The following MIB1 variants were observed in gnomAD, a reference collection of about 807,000 sequenced individuals.
MIB1 encodes E3 ubiquitin-protein ligase MIB1.
Under a neutral mutation model 124.5 loss-of-function variants are expected in MIB1, and 278 were observed. The observed-to-expected ratio is 2.23, with a 90% confidence interval of 2.02 to 2.47. The LOEUF (loss-of-function observed/expected upper bound fraction) is 2.47. Among genes scored for constraint, MIB1 ranks in the 30% most tolerant of loss-of-function variants. The pLI is 0.00. For missense variants in MIB1, 957 were observed against 1,254.4 expected (o/e 0.76, Z 3.58); for synonymous variants, 446 against 429.4 (o/e 1.04, Z -0.48).
At chr18:21,792,425 A>G (rs2041516698) in intron 7 of MIB1, among the ~76,000 whole-genome samples, 1 of 150,932 alleles carries the variant, frequency 6.6e-6, no homozygotes. Context: ...ATCCAGCCCC[A>G]ACTCCTGCCC....
At chr18:21,829,924 G>A (rs1366550312) in intron 12 of MIB1, among the ~76,000 whole-genome samples, 1 of 152,060 alleles carries the variant, frequency 6.6e-6, no homozygotes, top group Non-Finnish European at 1.5e-5. Context: ...GAGCACCTGG[G>A]TTTTATTTAC....
chr18:21,802,562 C>G (rs1462584452), intron 9 of MIB1, among the ~76,000 whole-genome samples: 1 of 152,030 alleles, frequency 6.6e-6, no homozygotes, highest in Non-Finnish European at 1.5e-5. Context: ...CATGTCTTTC[C>G]TTACTGAACA....
chr18:21,842,965 TC>T (rs1291204885), intron 13 of MIB1, among the ~76,000 whole-genome samples, 165 bp from the exon 14 acceptor site: 3 of 152,380 alleles, frequency 2.0e-5, no homozygotes, highest in South Asian at 2.1e-4. Context: ...TCCATTTTTT[TC>T]TACTTTAACA....
intron 4 of MIB1, among the ~76,000 whole-genome samples, chr18:21,776,153 A>T (rs2041282858): frequency 1.3e-5 from 2 of 151,946 alleles, no homozygotes; most frequent in South Asian, 4.2e-4. Flanking sequence ...CTGTAGTCGC[A>T]GTTACTTGAG....
chr18:21,712,394 G>C (rs371071208), intron 1 of MIB1, among the ~76,000 whole-genome samples: 1 of 152,104 alleles, frequency 6.6e-6, no homozygotes, highest in African/African-American at 2.4e-5. Context: ...GATAGAGATA[G>C]CAAAGGTAAT....
intron 1 of MIB1, among the ~76,000 whole-genome samples, chr18:21,708,367 A>G (rs748481447): frequency 2.0e-5 from 3 of 152,128 alleles, no homozygotes; most frequent in South Asian, 2.1e-4. Flanking sequence ...TAGAACTACT[A>G]TTTTGGCTGG....
intron 10 of MIB1, among the ~76,000 whole-genome samples, chr18:21,808,778 G>T (rs2041737618): frequency 6.6e-6 from 1 of 152,090 alleles, no homozygotes. Context: ...ATCTGCCGTG[G>T]ACTCTATTTT....
intron 12 of MIB1, among the ~76,000 whole-genome samples, chr18:21,835,801 CCACACACACA>C (rs774725850): frequency 4.9e-5 from 5 of 101,586 alleles, no homozygotes; most frequent in African/African-American, 1.9e-4. Context: ...ATATATATAT[CCACACACACA>C]CACACACACA....
At chr18:21,839,748 T>C (rs2042065127) in intron 13 of MIB1, among the ~76,000 whole-genome samples, 1 of 152,186 alleles carries the variant, frequency 6.6e-6, no homozygotes, top group African/African-American at 2.4e-5. Context: ...GTGATCCTTT[T>C]GCCTCAGCCT....
intron 18 of MIB1, chr18:21,854,869 T>G: frequency 4.7e-6 from 1 of 214,708 alleles, no homozygotes; most frequent in Non-Finnish European, 9.8e-6. Context: ...ATGCAGACAT[T>G]GGTGCTTTCC....
chr18:21,820,504 ACTG>A (rs1568214928), intron 12 of MIB1, among the ~76,000 whole-genome samples: 1 of 152,198 alleles, frequency 6.6e-6, no homozygotes, highest in Non-Finnish European at 1.5e-5. Context: ...TTTTATTGCT[ACTG>A]CTTATTGGTA....
chr18:21,864,092 C>T (rs2042299604), intron 20 of MIB1, among the ~76,000 whole-genome samples: 1 of 152,124 alleles, frequency 6.6e-6, no homozygotes, highest in African/African-American at 2.4e-5. Flanking sequence ...TCAGGCTTTT[C>T]AGCTCAAAGG....
chr18:21,735,888 A>G (rs2040794857), upstream of MIB1, among the ~76,000 whole-genome samples: 1 of 152,176 alleles, frequency 6.6e-6, no homozygotes, highest in South Asian at 2.1e-4. Flanking sequence ...AGGCACTTAT[A>G]GATAAAACCC....
intron 1 of MIB1, among the ~76,000 whole-genome samples, chr18:21,756,074 G>A (rs552619990): frequency 6.6e-6 from 1 of 152,282 alleles, no homozygotes; most frequent in African/African-American, 2.4e-5. Context: ...CTTTGCAGGG[G>A]ATAGTAGAAA....
chr18:21,822,221 A>G (rs2041885549), intron 12 of MIB1, among the ~76,000 whole-genome samples: 2 of 152,248 alleles, frequency 1.3e-5, no homozygotes, highest in Non-Finnish European at 2.9e-5. Context: ...TTGAGGGAAT[A>G]TGAAATCATA....
At position 21,765,031 on chromosome 18, in the gene MIB1, A is replaced by T. The variant is rs1156702031; in HGVS notation, c.230-741A>T. ...TATTAATATAACAATAGAATAGTAA[A>T]GGAGTATTACCCCCAATTATTTCAC... On this transcript the variant is annotated intron_variant, in intron 1 of 20. Coordinates refer to ENST00000261537, the MANE Select transcript of MIB1 (RefSeq NM_020774.4). Among the ~76,000 whole-genome samples, 12 of 152,234 alleles carry T rather than the reference A, an allele frequency of 7.9e-5. 1 individual carries two copies. The highest frequency in any genetic ancestry group is 7.9e-4 in the Admixed American group (12 of 15,282).
intron 18 of MIB1, among the ~76,000 whole-genome samples, chr18:21,855,283 CG>C (rs2042216647): frequency 6.6e-6 from 1 of 152,196 alleles, no homozygotes; most frequent in African/African-American, 2.4e-5. Context: ...GTACCCCCAT[CG>C]CAGTCATGTT....
chr18:21,713,027 TTACTGCAGCCTTGAA>T (rs1354269548), intron 1 of MIB1, among the ~76,000 whole-genome samples: 1 of 152,180 alleles, frequency 6.6e-6, no homozygotes, highest in African/African-American at 2.4e-5. Flanking sequence ...TGAACACCTC[TTACTGCAGCCTTGAA>T]TCAGTCTTGG....
At chr18:21,802,718 C>G (rs2041663242) in intron 9 of MIB1, among the ~76,000 whole-genome samples, 1 of 152,190 alleles carries the variant, frequency 6.6e-6, no homozygotes, top group South Asian at 2.1e-4. Flanking sequence ...GGGGACAAAT[C>G]TCCAATCCTT....
Sources: allele counts gnomAD v4.1 joint callset (sites outside exome capture counted in the v4.1 genomes callset), GRCh38; gene constraint gnomAD v4.1.1; transcripts MANE v1.5; gene names NCBI Gene and HGNC (gene_info 2026-07-23, HGNC 2026-07-21).